The following RYK variants were observed in gnomAD, a reference collection of about 807,000 sequenced individuals.
The protein encoded by RYK is inactive tyrosine-protein kinase RYK.
Under a neutral mutation model 70.2 loss-of-function variants are expected in RYK, and 21 were observed. That is an observed-to-expected ratio of 0.30 (90% CI 0.21 to 0.43). The LOEUF (loss-of-function observed/expected upper bound fraction) is 0.43, where lower values mean the gene tolerates loss of function less well. Ranked by LOEUF, RYK falls within the 20% of genes least tolerant of loss-of-function variation. The probability of loss-of-function intolerance (pLI) is 1.00; values close to 1 mark genes in which losing one functional copy is unlikely to be tolerated. For synonymous variants in RYK, 267 were observed against 278.0 expected (o/e 0.96, Z 0.39); for missense variants, 604 against 753.3 (o/e 0.80, Z 2.32).
At chr3:134,227,374 A>T (rs1177787305) in intron 1 of RYK, among the ~76,000 whole-genome samples, 2 of 152,206 alleles carry the variant, frequency 1.3e-5, no homozygotes, top group East Asian at 3.9e-4. Context: ...GATTCAAAGT[A>T]ATCTTAATCA....
chr3:134,230,532 T>A (rs932697444), intron 1 of RYK, among the ~76,000 whole-genome samples: 1 of 152,248 alleles, frequency 6.6e-6, no homozygotes, highest in African/African-American at 2.4e-5. Flanking sequence ...GGGATGAATT[T>A]CATAGACTGT....
chr3:134,250,558 G>C lies in RYK; in HGVS notation c.97C>G (p.Leu33Val). Reference protein sequence around the residue: ...APPPPPLLLLLALLPLLPAPG... With the variant: ...APPPPPLLLLVALLPLLPAPG... ...GCGGGCAGCAGCGGCAACAGCGCAAGCAGAAGCAGCAGCGGCGGCGGCGGC... is the reference window on the plus strand; with the variant it reads ...GCGGGCAGCAGCGGCAACAGCGCAACCAGAAGCAGCAGCGGCGGCGGCGGC... The change falls in exon 1 of 15, where the codon CTT (leucine) becomes GTT (valine). Residue 33 changes from leucine (L) to valine (V), a missense_variant. Coordinates refer to ENST00000623711, the MANE Select transcript of RYK (RefSeq NM_002958.4). 1 of 1,095,182 alleles carries C rather than the reference G, an allele frequency of 9.1e-7. No individual in the cohort carries two copies. Among genetic ancestry groups the C allele is most frequent in the Non-Finnish European group, 1.1e-6 (1 of 878,258 alleles). The allele number at this position is 1,095,182 out of a possible 1,614,324, so 67.8% of individuals were successfully genotyped here. A position where few individuals can be genotyped will look rare whatever the true frequency, so the allele number is the denominator to read the frequency against.
At chr3:134,209,234 A>G (rs768376842) in intron 4 of RYK, among the ~76,000 whole-genome samples, 11 of 152,246 alleles carry the variant, frequency 7.2e-5, no homozygotes, top group Non-Finnish European at 1.6e-4. Flanking sequence ...TGCCCATTTT[A>G]CAGATGAAAA....
At chr3:134,199,736 C>G (rs1226297962) in intron 6 of RYK, among the ~76,000 whole-genome samples, 1 of 152,050 alleles carries the variant, frequency 6.6e-6, no homozygotes, top group Non-Finnish European at 1.5e-5. Flanking sequence ...GTTAATAGGA[C>G]AGGAAAGGGC....
rs775172207 is a variant in RYK, at chr3:134,183,018, G to C, written c.1156C>G (p.Arg386Gly). Residue 386 changes from arginine to glycine, a missense_variant, in exon 10 of 15, where the codon CGA (arginine) becomes GGA (glycine). This residue lies in a region of RYK where 466 missense variants were observed against 535.9 expected (regional missense o/e 0.87). Transcript: ENST00000623711. Reference protein sequence around the residue: ...TMMLTESCKLRGLHHRNLLPI... With the variant: ...TMMLTESCKLGGLHHRNLLPI... ...TCCTCTCACCTGTGATGAAGACCTC[G>C]CAGCTTACAACTTTCAGTGAGCATC... is the stretch of plus-strand genomic sequence containing the variant. 1 of 1,586,994 alleles carries C rather than the reference G, an allele frequency of 6.3e-7. No individual in the cohort carries two copies. Among genetic ancestry groups the C allele is most frequent in the South Asian group, 1.2e-5 (1 of 86,036 alleles).
Position 134,250,611 on chromosome 3 carries a change from A to G in RYK, c.44T>C (p.Leu15Pro). ...ARLGRPGRSCLPGARGLRAPP... is the reference protein window; with the variant it reads ...ARLGRPGRSCPPGARGLRAPP... ...GGCCCTCAGGCCGCGGGCCCCCGGG[A>G]GGCAACTCCGGCCCGGCCGCCCCAG... The change falls in exon 1 of 15, where the codon CTC becomes CCC. Residue 15 changes from leucine to proline, a missense_variant. Physicochemically the swap from Leu to Pro is moderately conservative, Grantham distance 98 (BLOSUM62 -3). Around this residue, in one of 2 missense-constraint regions of RYK, gnomAD observed 466 missense variants for 535.9 expected, o/e 0.87. Coordinates refer to ENST00000623711, the MANE Select transcript of RYK (RefSeq NM_002958.4). 5 of 1,021,644 alleles carry G rather than the reference A, an allele frequency of 4.9e-6. No individual in the cohort carries two copies. The highest frequency in any genetic ancestry group is 5.9e-6 in the Non-Finnish European group (5 of 851,054). The allele number at this position is 1,021,644 out of a possible 1,614,324, so 63.3% of individuals were successfully genotyped here.
At chr3:134,166,768 C>T (rs553307164) in intron 13 of RYK, among the ~76,000 whole-genome samples, 8 of 152,234 alleles carry the variant, frequency 5.3e-5, no homozygotes, top group African/African-American at 1.9e-4. Flanking sequence ...TGAGGGAGAG[C>T]CAACGACAGA....
chr3:134,162,211 T>C (rs1360158550), intron 13 of RYK, among the ~76,000 whole-genome samples: 4 of 150,858 alleles, frequency 2.7e-5, no homozygotes, highest in Admixed American at 6.7e-5. Context: ...CATTCTGAGG[T>C]ACTGGGGGTT....
chr3:134,180,624 CAAA>C (rs1161167977), intron 10 of RYK: 2 of 152,064 alleles, frequency 1.3e-5, no homozygotes, highest in Non-Finnish European at 2.9e-5. Flanking sequence ...AATGAACAAA[CAAA>C]TACATAAGTA....
chr3:134,169,273 C>T (rs2012808484), intron 13 of RYK, among the ~76,000 whole-genome samples: 1 of 152,152 alleles, frequency 6.6e-6, no homozygotes, highest in East Asian at 1.9e-4. Flanking sequence ...CTGCATACTC[C>T]TGATTACATT....
intron 1 of RYK, among the ~76,000 whole-genome samples, chr3:134,229,272 G>A (rs1319411750): frequency 3.5e-5 from 5 of 144,574 alleles, no homozygotes; most frequent in East Asian, 2.1e-4. Flanking sequence ...TTCCCCCTCC[G>A]CCTCGCACTC....
intron 2 of RYK, among the ~76,000 whole-genome samples, chr3:134,221,425 G>A (rs563868169): frequency 1.8e-3 from 273 of 151,818 alleles, no homozygotes; most frequent in Non-Finnish European, 3.3e-3. Context: ...AGATGGTCTC[G>A]ATCTCCTGAC....
At chr3:134,187,160 G>A (rs772951376) in intron 9 of RYK, among the ~76,000 whole-genome samples, 24 of 152,160 alleles carry the variant, frequency 1.6e-4, no homozygotes, top group Non-Finnish European at 3.4e-4. Context: ...TTAAAGAGGT[G>A]TGTGTGTATG....
In RYK at chr3:134,188,871, A is replaced by G. The variant is rs187357709; in HGVS notation, c.1068T>C (p.Asn356=). 2 of 1,582,046 alleles carry G rather than the reference A, an allele frequency of 1.3e-6. No individual in the cohort carries two copies. The highest frequency in any genetic ancestry group is 1.7e-6 in the Non-Finnish European group (2 of 1,156,010). Residue 356 remains asparagine (N), a synonymous_variant, in exon 9 of 15, where the codon AAT becomes AAC. Coordinates refer to ENST00000623711, the MANE Select transcript of RYK (RefSeq NM_002958.4). ...TTTTGACAAATGCTTGTTTTTCTTT[A>G]TTTGGATCTTTTTCATCTATTAAAA... ...HGILIDEKDP[N]KEKQAFVKTV...
intron 13 of RYK, among the ~76,000 whole-genome samples, chr3:134,175,152 A>G (rs2013053553): frequency 6.6e-6 from 1 of 152,172 alleles, no homozygotes; most frequent in South Asian, 2.1e-4. Context: ...CCTGGCCAAC[A>G]TGGTGAAACC....
chr3:134,207,421 C>A, intron 5 of RYK, 51 bp downstream of exon 5: 1 of 1,193,592 alleles, frequency 8.4e-7, no homozygotes, highest in South Asian at 1.6e-5. Flanking sequence ...TATATGCAGT[C>A]AACCATTTTT....
intron 1 of RYK, 39 bp downstream of exon 1, chr3:134,250,384 G>T: frequency 7.6e-7 from 1 of 1,310,554 alleles, no homozygotes; most frequent in Non-Finnish European, 9.8e-7. Context: ...GCCCCAGCCG[G>T]CCCGACCTGC....
intron 2 of RYK, among the ~76,000 whole-genome samples, chr3:134,220,809 C>A (rs1393123841): frequency 6.6e-6 from 1 of 151,980 alleles, no homozygotes; most frequent in Non-Finnish European, 1.5e-5. Context: ...AAAAGATGAA[C>A]TACCAATTGT....
At chr3:134,246,074 C>G (rs1576540609) in intron 1 of RYK, among the ~76,000 whole-genome samples, 1 of 127,914 alleles carries the variant, frequency 7.8e-6, no homozygotes, top group Non-Finnish European at 1.5e-5. Context: ...TAAAAATACA[C>G]ACATCAGAGA....
Sources: allele counts gnomAD v4.1 joint callset (sites outside exome capture counted in the v4.1 genomes callset), GRCh38; gene constraint gnomAD v4.1.1; regional missense constraint gnomAD v4.1.1; transcripts MANE v1.5; gene names NCBI Gene and HGNC (gene_info 2026-07-23, HGNC 2026-07-21).